Variants in DLGAP1 observed in about 807,000 individuals in gnomAD.
The protein encoded by DLGAP1 is disks large-associated protein 1.
Under a neutral mutation model 90.8 loss-of-function variants are expected in DLGAP1, and 11 were observed. The observed-to-expected ratio is 0.12, with a 90% CI of 0.08 to 0.20. DLGAP1 has a LOEUF of 0.20. DLGAP1 is among the 10% of genes least tolerant of loss of function. DLGAP1 has a pLI of 1.00. For missense variants in DLGAP1, 1,050 were observed against 1,333.8 expected, an observed-to-expected ratio of 0.79 and a Z score of 3.31; for synonymous variants, 558 against 540.7, an observed-to-expected ratio of 1.03 and a Z score of -0.44.
At chr18:3,841,946 G>C (rs952004141) in intron 4 of DLGAP1, among the ~76,000 whole-genome samples, 1 of 152,136 alleles carries the variant, frequency 6.6e-6, no homozygotes, top group African/African-American at 2.4e-5. Context: ...TCCTACCTAA[G>C]ATAGAAGAAG....
intron 10 of DLGAP1, among the ~76,000 whole-genome samples, chr18:3,527,157 C>A (rs1202422487): frequency 6.6e-6 from 1 of 152,168 alleles, no homozygotes; most frequent in East Asian, 1.9e-4. Flanking sequence ...TGCTTGTTTT[C>A]GGTCTGCCTT....
At chr18:3,791,661 T>C in intron 5 of DLGAP1, among the ~76,000 whole-genome samples, 1 of 152,342 alleles carries the variant, frequency 6.6e-6, no homozygotes, top group Admixed American at 6.5e-5. Context: ...TACACAGTCA[T>C]GTATTTTATG....
intron 2 of DLGAP1, among the ~76,000 whole-genome samples, chr18:4,129,482 G>T (rs138544880): frequency 2.2e-3 from 342 of 152,176 alleles, no homozygotes; most frequent in African/African-American, 7.8e-3. Context: ...GGGAAATCGT[G>T]GTGCGTCATA....
chr18:3,678,002 C>T (rs2060374543), intron 7 of DLGAP1, among the ~76,000 whole-genome samples: 1 of 146,984 alleles, frequency 6.8e-6, no homozygotes, highest in African/African-American at 2.6e-5. Flanking sequence ...AGCTCTGTCG[C>T]CCAGGCTGGA....
chr18:3,696,733 C>T (rs1015926393), intron 7 of DLGAP1, among the ~76,000 whole-genome samples: 2 of 152,014 alleles, frequency 1.3e-5, no homozygotes, highest in African/African-American at 4.8e-5. Context: ...GGGAGGAGTC[C>T]CTCTTTTTGT....
intron 1 of DLGAP1, among the ~76,000 whole-genome samples, chr18:4,364,592 T>TA (rs1197794182): frequency 2.2e-4 from 34 of 151,496 alleles, no homozygotes; most frequent in Non-Finnish European, 4.3e-4. Context: ...ATGTGTAGTT[T>TA]AAAAAAAAAT....
intron 1 of DLGAP1, among the ~76,000 whole-genome samples, chr18:4,301,918 T>G (rs2080135922): frequency 6.6e-6 from 1 of 152,212 alleles, no homozygotes; most frequent in Non-Finnish European, 1.5e-5. Context: ...CATATATCTG[T>G]TGGTCATTTG....
At chr18:4,357,500 T>C (rs1383886823) in intron 1 of DLGAP1, among the ~76,000 whole-genome samples, 1 of 152,212 alleles carries the variant, frequency 6.6e-6, no homozygotes, top group Non-Finnish European at 1.5e-5. Flanking sequence ...CACTTCTGTA[T>C]TCTCAGTGTC....
At chr18:4,220,238 C>T (rs1270723404) in intron 1 of DLGAP1, among the ~76,000 whole-genome samples, 7 of 151,666 alleles carry the variant, frequency 4.6e-5, no homozygotes, top group Admixed American at 3.3e-4. Context: ...TGAATGGGAT[C>T]GATTTCTTTA....
At chr18:4,272,965 A>C (rs2079319559) in intron 1 of DLGAP1, among the ~76,000 whole-genome samples, 1 of 152,100 alleles carries the variant, frequency 6.6e-6, no homozygotes, top group Admixed American at 6.5e-5. Context: ...AACAGTAAGG[A>C]TTGCTGGGAG....
intron 1 of DLGAP1, among the ~76,000 whole-genome samples, chr18:4,190,561 T>C (rs1004981235): frequency 6.6e-6 from 1 of 152,118 alleles, no homozygotes; most frequent in Non-Finnish European, 1.5e-5. Context: ...AGCTCATCAA[T>C]TGTAACAAAC....
chr18:4,090,011 C>T (rs551097034), intron 2 of DLGAP1, among the ~76,000 whole-genome samples: 3 of 152,100 alleles, frequency 2.0e-5, no homozygotes, highest in Non-Finnish European at 4.4e-5. Flanking sequence ...CGCCGCTGCA[C>T]TCCAGCCTGG....
intron 1 of DLGAP1, among the ~76,000 whole-genome samples, chr18:4,354,480 GTACAT>G (rs2081464410): frequency 6.6e-6 from 1 of 152,130 alleles, no homozygotes; most frequent in Admixed American, 6.5e-5. Context: ...CTACACAGCT[GTACAT>G]TCTTCATTGA....
Position 3,991,455 on chromosome 18 carries a change from TG to T in DLGAP1, c.-73+13660del, listed in dbSNP as rs2073966355. On this transcript the variant is annotated intron_variant, in intron 3 of 12. Coordinates refer to ENST00000315677, the MANE Select transcript of DLGAP1 (RefSeq NM_004746.4). ...GCTTTGTCAGGGGAATTTCAGATAT[TG>T]GCCAGTGGCAGTGGTGGGAACCTTG... 2.6e-5 allele frequency among the ~76,000 whole-genome samples: 4 copies of T among 152,304 alleles called. No homozygotes were observed. The South Asian group carries it at 8.3e-4, about 32-fold the overall frequency.
At position 3,729,320 on chromosome 18, in the gene DLGAP1, C is replaced by T; in HGVS notation, c.1406G>A (p.Ser469Asn). 1 of 1,614,130 alleles carries T rather than the reference C, an allele frequency of 6.2e-7. No individual in the cohort carries two copies. Among genetic ancestry groups the T allele is most frequent in the Non-Finnish European group, 8.5e-7 (1 of 1,179,984 alleles). ...QFESVCESVF[S>N]ELESQAVEAL... ...TTCCACGGCCTGCGACTCCAGCTCG[C>T]TGAACACGGACTCGCACACGGACTC... Residue 469 changes from serine (S) to asparagine (N), a missense_variant, in exon 7 of 13, where the codon AGC becomes AAC. By Grantham distance (46) the Ser-to-Asn change is conservative (BLOSUM62 1). Coordinates refer to ENST00000315677, the MANE Select transcript of DLGAP1 (RefSeq NM_004746.4). The surrounding 1 kb of genome is among the most constrained non-coding windows in gnomAD (Gnocchi z 6.2).
At chr18:3,921,510 G>A (rs1315823765) in intron 3 of DLGAP1, among the ~76,000 whole-genome samples, 2 of 152,164 alleles carry the variant, frequency 1.3e-5, no homozygotes, top group African/African-American at 2.4e-5. Flanking sequence ...ACTAGAGAAT[G>A]TATTAACTGG....
At chr18:4,360,878 G>A (rs2081616421) in intron 1 of DLGAP1, among the ~76,000 whole-genome samples, 1 of 152,102 alleles carries the variant, frequency 6.6e-6, no homozygotes, top group South Asian at 2.1e-4. Flanking sequence ...TACTCAGGAG[G>A]CCGAAGCAGG....
chr18:4,419,003 T>G (rs1157437258), intron 1 of DLGAP1, among the ~76,000 whole-genome samples: 1 of 152,134 alleles, frequency 6.6e-6, no homozygotes, highest in Admixed American at 6.6e-5. Flanking sequence ...ATACATTACA[T>G]GCTGAAGAAC....
chr18:3,749,703 T>C (rs1370595315), intron 5 of DLGAP1, among the ~76,000 whole-genome samples: 1 of 152,210 alleles, frequency 6.6e-6, no homozygotes, highest in Non-Finnish European at 1.5e-5. Flanking sequence ...TTTAAGTAAC[T>C]ACTGTACATT....
Sources: gnomAD v4.1 joint callset for allele counts (sites outside exome capture counted in the v4.1 genomes callset) on GRCh38, gnomAD v4.1.1 for gene constraint, Gnocchi (gnomAD v3.1) non-coding constraint, MANE v1.5 for transcripts, NCBI Gene and HGNC (gene_info 2026-07-23, HGNC 2026-07-21) for gene names.